TMEM132D: variants seen among roughly 807,000 people sequenced by gnomAD.
TMEM132D encodes the protein mature OL transmembrane protein.
A neutral mutation model predicts 62.3 loss-of-function variants in TMEM132D; 21 were observed. The observed-to-expected ratio is 0.34, with a 90% confidence interval of 0.24 to 0.49. The LOEUF (loss-of-function observed/expected upper bound fraction) is 0.49, where lower values mean the gene tolerates loss of function less well. Ranked by LOEUF, TMEM132D falls within the 20% of genes least tolerant of loss-of-function variation. The probability of loss-of-function intolerance (pLI) is 0.99; values close to 1 mark genes in which losing one functional copy is unlikely to be tolerated. For missense variants in TMEM132D, 1,346 were observed against 1,402.8 expected (o/e 0.96, Z 0.65); for synonymous variants, 621 against 575.6 (o/e 1.08, Z -1.13).
At chr12:129,312,642 T>C (rs1180441241) in intron 4 of TMEM132D, among the ~76,000 whole-genome samples, 1 of 152,178 alleles carries the variant, frequency 6.6e-6, no homozygotes, top group Non-Finnish European at 1.5e-5. Flanking sequence ...CAATCTCGGC[T>C]CACTGCAAGC....
chr12:129,174,234 C>T (rs1227228715), intron 5 of TMEM132D, among the ~76,000 whole-genome samples: 1 of 152,162 alleles, frequency 6.6e-6, no homozygotes, highest in African/African-American at 2.4e-5. Context: ...CCCTTGCCCC[C>T]CACCCCTCAA....
At chr12:129,337,317 A>G (rs532602463) in intron 4 of TMEM132D, among the ~76,000 whole-genome samples, 29 of 152,266 alleles carry the variant, frequency 1.9e-4, no homozygotes, top group African/African-American at 6.5e-4. Context: ...AAACACATCT[A>G]TCGAGTCGTC....
intron 2 of TMEM132D, among the ~76,000 whole-genome samples, chr12:129,611,064 A>G (rs944424027): frequency 6.6e-6 from 1 of 152,166 alleles, no homozygotes; most frequent in Non-Finnish European, 1.5e-5. Context: ...TCAAACCAGG[A>G]TTGCTTGAGA....
At chr12:129,784,732 T>A (rs1871209369) in intron 1 of TMEM132D, among the ~76,000 whole-genome samples, 1 of 152,180 alleles carries the variant, frequency 6.6e-6, no homozygotes, top group Admixed American at 6.5e-5. Flanking sequence ...TGAAGATCCA[T>A]CCTTTTCTGA....
intron 3 of TMEM132D, among the ~76,000 whole-genome samples, chr12:129,432,170 G>C (rs377240423): frequency 0.12 from 17,649 of 141,848 alleles, 1,137 homozygotes; most frequent in Middle Eastern, 0.2. Context: ...TGGATGGATG[G>C]ATGGATGGAT....
intron 1 of TMEM132D, among the ~76,000 whole-genome samples, chr12:129,720,304 C>T (rs574508454): frequency 6.6e-6 from 1 of 152,256 alleles, no homozygotes; most frequent in Non-Finnish European, 1.5e-5. Flanking sequence ...TCAAGAAATT[C>T]ACGGAGAGGC....
At chr12:129,666,671 G>A (rs1230060656) in intron 2 of TMEM132D, among the ~76,000 whole-genome samples, 2 of 152,112 alleles carry the variant, frequency 1.3e-5, no homozygotes, top group Non-Finnish European at 2.9e-5. Context: ...AAAACAGTCA[G>A]ACCTTATCTT....
intron 5 of TMEM132D, among the ~76,000 whole-genome samples, chr12:129,096,343 G>C (rs1166925939): frequency 6.6e-6 from 1 of 152,154 alleles, no homozygotes. Flanking sequence ...GGCTGAGACA[G>C]AAGGTCCATT....
chr12:129,866,923 G>GTA (rs2137373422), intron 1 of TMEM132D, among the ~76,000 whole-genome samples: 1 of 152,232 alleles, frequency 6.6e-6, no homozygotes, highest in South Asian at 2.1e-4. Context: ...AATGTGGGGT[G>GTA]TATATATACA....
rs1875440470 is a variant in TMEM132D, at chr12:129,903,468, C to A, written c.-129G>T. 1 of 943,772 alleles carries A rather than the reference C, an allele frequency of 1.1e-6. No homozygotes were observed. Among genetic ancestry groups the A allele is most frequent in the Non-Finnish European group, 1.6e-6 (1 of 629,290 alleles). The allele number at this position is 943,772 out of a possible 1,614,324, so 58.5% of individuals were successfully genotyped here. On this transcript the variant is annotated 5_prime_UTR_variant, in exon 1 of 9. Transcript: ENST00000422113. This position sits in a 1 kb window ranked among gnomAD's most constrained non-coding sequence, Gnocchi z 6.2. ...AGCGCCCGGCTAGGGGCCCGAGCAG[C>A]CCGGGCGCCCTGCTCCCTCTTCCCG...
chr12:129,391,928 T>G (rs1379260282), intron 3 of TMEM132D, among the ~76,000 whole-genome samples: 1 of 148,554 alleles, frequency 6.7e-6, no homozygotes, highest in African/African-American at 2.5e-5. Context: ...AGCTAATTTT[T>G]GTAGTTTTAG....
intron 1 of TMEM132D, among the ~76,000 whole-genome samples, chr12:129,842,502 T>C (rs1337901454): frequency 6.6e-5 from 10 of 152,120 alleles, no homozygotes; most frequent in Admixed American, 6.5e-4. Flanking sequence ...AGAGTCCTGC[T>C]CTGTTTCCCA....
chr12:129,673,780 C>A (rs1355295550), intron 2 of TMEM132D, among the ~76,000 whole-genome samples: 1 of 152,190 alleles, frequency 6.6e-6, no homozygotes, highest in African/African-American at 2.4e-5. Context: ...CCAACCTTTG[C>A]TCCTTAGCAA....
At chr12:129,554,728 G>A (rs1339357844) in intron 2 of TMEM132D, among the ~76,000 whole-genome samples, 2 of 152,144 alleles carry the variant, frequency 1.3e-5, no homozygotes, top group South Asian at 2.1e-4. Flanking sequence ...CTGGAGACCT[G>A]CTTTCATGGG....
intron 3 of TMEM132D, among the ~76,000 whole-genome samples, chr12:129,378,699 C>T (rs1467726181): frequency 6.6e-6 from 1 of 152,160 alleles, no homozygotes; most frequent in Non-Finnish European, 1.5e-5. Context: ...CTGCAGGAAT[C>T]CATTTACTTG....
chr12:129,610,155 C>T, intron 2 of TMEM132D, among the ~76,000 whole-genome samples: 1 of 151,998 alleles, frequency 6.6e-6, no homozygotes, highest in Non-Finnish European at 1.5e-5. Flanking sequence ...CCTGTAATCC[C>T]AGCTACTTCA....
At chr12:129,224,145 GTTTCT>G (rs1879420087) in intron 4 of TMEM132D, among the ~76,000 whole-genome samples, 2 of 152,120 alleles carry the variant, frequency 1.3e-5, no homozygotes, top group Non-Finnish European at 2.9e-5. Context: ...CTTGGATTCT[GTTTCT>G]TTTCATTATA....
At chr12:129,513,180 C>A (rs1385306120) in intron 3 of TMEM132D, among the ~76,000 whole-genome samples, 2 of 152,078 alleles carry the variant, frequency 1.3e-5, no homozygotes, top group African/African-American at 4.8e-5. Flanking sequence ...TGTTGCAACA[C>A]AACACAATGG....
intron 4 of TMEM132D, among the ~76,000 whole-genome samples, chr12:129,333,596 C>T (rs1593340613): frequency 6.6e-6 from 1 of 152,198 alleles, no homozygotes. Context: ...GCTATTATCT[C>T]AGCCAGGACA....
Sources: gnomAD v4.1 joint callset for allele counts (sites outside exome capture counted in the v4.1 genomes callset) on GRCh38, gnomAD v4.1.1 for gene constraint, Gnocchi (gnomAD v3.1) non-coding constraint, MANE v1.5 for transcripts, NCBI Gene and HGNC (gene_info 2026-07-23, HGNC 2026-07-21) for gene names.